Variants in PCDH9 observed in about 807,000 individuals in gnomAD.
PCDH9 encodes protocadherin 9.
Under a neutral mutation model 70.6 loss-of-function variants are expected in PCDH9, and 24 were observed. The ratio of observed to expected loss-of-function variants is 0.34; its 90% CI spans 0.25 to 0.48. The LOEUF (loss-of-function observed/expected upper bound fraction) is 0.48, where lower values mean the gene tolerates loss of function less well. Ranked by LOEUF, PCDH9 falls within the 20% of genes least tolerant of loss-of-function variation. The pLI is 0.99. For missense variants in PCDH9, 1,281 were observed against 1,503.6 expected (o/e 0.85, Z 2.45); for synonymous variants, 562 against 558.5 (o/e 1.01, Z -0.09).
intron 3 of PCDH9, among the ~76,000 whole-genome samples, chr13:66,639,640 A>T (rs1347242858): frequency 6.6e-6 from 1 of 152,026 alleles, no homozygotes; most frequent in Non-Finnish European, 1.5e-5. Flanking sequence ...AAAACAAAAA[A>T]CTCTCCTTCA....
At chr13:66,983,983 G>A (rs1339546912) in intron 2 of PCDH9, among the ~76,000 whole-genome samples, 1 of 151,864 alleles carries the variant, frequency 6.6e-6, no homozygotes, top group African/African-American at 2.4e-5. Context: ...TTCTCATCCT[G>A]AGCATTATAT....
At chr13:66,652,237 A>G (rs899751402) in intron 3 of PCDH9, among the ~76,000 whole-genome samples, 2 of 152,052 alleles carry the variant, frequency 1.3e-5, no homozygotes, top group Admixed American at 6.5e-5. Flanking sequence ...TAAAGAACCT[A>G]AAGACTCAAT....
intron 4 of PCDH9, among the ~76,000 whole-genome samples, chr13:66,630,252 T>C (rs542339614): frequency 6.6e-6 from 1 of 152,254 alleles, no homozygotes; most frequent in South Asian, 2.1e-4. Flanking sequence ...AAAATTGAGA[T>C]AAATGTACAG....
At chr13:66,550,958 A>T (rs1234572059) in intron 4 of PCDH9, among the ~76,000 whole-genome samples, 1 of 152,174 alleles carries the variant, frequency 6.6e-6, no homozygotes, top group African/African-American at 2.4e-5. Context: ...TAGCCCCTTG[A>T]CATTACTCTC....
rs1404652435 is a variant in PCDH9 at position 66,763,944 on chromosome 13, G to A, written c.3139-132533C>T. On this transcript the variant is annotated intron_variant, in intron 3 of 4. Coordinates refer to ENST00000377865, the MANE Select transcript of PCDH9 (RefSeq NM_203487.3). ...TTCCCAAGTAGCTGGGATTACAGGT[G>A]CCCACCACAACACTCGACTAATTGT... 2.6e-5 allele frequency among the ~76,000 whole-genome samples: 4 copies of A among 151,880 alleles called. No homozygotes were observed. The South Asian group carries it at 6.2e-4, about 24-fold the overall frequency.
intron 2 of PCDH9, among the ~76,000 whole-genome samples, chr13:67,128,320 C>T (rs2087028551): frequency 6.6e-6 from 1 of 152,194 alleles, no homozygotes; most frequent in Non-Finnish European, 1.5e-5. Context: ...TCAAAGATAA[C>T]ACAATGCAAG....
chr13:66,519,881 C>T (rs540888585), intron 4 of PCDH9, among the ~76,000 whole-genome samples: 103 of 151,216 alleles, frequency 6.8e-4, no homozygotes, highest in Non-Finnish European at 6.5e-4. Flanking sequence ...TGGTCGACGG[C>T]AGTCCTATTA....
chr13:66,689,906 T>G (rs1404449167), intron 3 of PCDH9, among the ~76,000 whole-genome samples: 1 of 152,208 alleles, frequency 6.6e-6, no homozygotes, highest in East Asian at 1.9e-4. Context: ...TTCTTTTTTA[T>G]TTTTTAAAGA....
At chr13:66,517,374 G>T (rs1255480057) in intron 4 of PCDH9, among the ~76,000 whole-genome samples, 1 of 152,102 alleles carries the variant, frequency 6.6e-6, no homozygotes, top group Non-Finnish European at 1.5e-5. Context: ...TCACCAGAAT[G>T]CTACACATTT....
chr13:66,964,696 A>T (rs569117899), intron 2 of PCDH9, among the ~76,000 whole-genome samples: 1 of 152,092 alleles, frequency 6.6e-6, no homozygotes, highest in South Asian at 2.1e-4. Context: ...CTTTCTTGGC[A>T]AAATGTCTGT....
rs575312909 is a variant in PCDH9, at chr13:66,319,476, A to G, written c.3341-14448T>C. Among the ~76,000 whole-genome samples, 3 of 151,122 alleles carry G rather than the reference A, an allele frequency of 2.0e-5. No individual in the cohort carries two copies. In the South Asian group the frequency reaches 6.2e-4, roughly 31 times the overall value. ...GCATGACTCCTCCCTGTGAGGTGCC[A>G]TGGCTTGAGCATCTTTCAGTGTGCT... On this transcript the variant is annotated intron_variant, in intron 4 of 4. Transcript: ENST00000377865.
At chr13:67,126,962 A>T (rs1260882445) in intron 2 of PCDH9, among the ~76,000 whole-genome samples, 2 of 152,186 alleles carry the variant, frequency 1.3e-5, no homozygotes, top group Non-Finnish European at 2.9e-5. Flanking sequence ...TTAGCCTATA[A>T]TATTTCATTT....
intron 3 of PCDH9, among the ~76,000 whole-genome samples, chr13:66,890,091 G>T (rs1056663322): frequency 1.3e-5 from 2 of 152,034 alleles, no homozygotes; most frequent in African/African-American, 4.8e-5. Context: ...CGGGTATCTG[G>T]CAATATATTA....
intron 4 of PCDH9, among the ~76,000 whole-genome samples, chr13:66,363,898 T>A (rs1956511597): frequency 6.6e-6 from 1 of 152,166 alleles, no homozygotes; most frequent in South Asian, 2.1e-4. Context: ...ATCGTGCCTG[T>A]AATCCCAACA....
intron 3 of PCDH9, among the ~76,000 whole-genome samples, chr13:66,864,914 T>G (rs1413155188): frequency 6.6e-6 from 1 of 152,202 alleles, no homozygotes; most frequent in African/African-American, 2.4e-5. Flanking sequence ...CAGCACATGT[T>G]CTCAATCACT....
chr13:67,148,127 C>T (rs1000056996), intron 2 of PCDH9, among the ~76,000 whole-genome samples: 2 of 151,870 alleles, frequency 1.3e-5, no homozygotes, highest in Non-Finnish European at 2.9e-5. Context: ...TACTTTAAGT[C>T]CTCAGAATTC....
At chr13:66,746,685 C>T (rs1211040990) in intron 3 of PCDH9, among the ~76,000 whole-genome samples, 5 of 152,102 alleles carry the variant, frequency 3.3e-5, no homozygotes, top group Non-Finnish European at 7.4e-5. Context: ...AACGTGTCAT[C>T]TATTACACTT....
At chr13:66,743,554 G>A (rs182235880) in intron 3 of PCDH9, among the ~76,000 whole-genome samples, 18 of 152,134 alleles carry the variant, frequency 1.2e-4, no homozygotes, top group Non-Finnish European at 2.4e-4. Flanking sequence ...TTAGACAGGA[G>A]GAATAAGGCC....
intron 3 of PCDH9, among the ~76,000 whole-genome samples, chr13:66,722,406 G>C (rs1025331157): frequency 6.6e-6 from 1 of 152,114 alleles, no homozygotes; most frequent in Non-Finnish European, 1.5e-5. Context: ...CAAAGAGATT[G>C]AGCTTGTTGT....
Sources: gnomAD v4.1 joint callset for allele counts (sites outside exome capture counted in the v4.1 genomes callset) on GRCh38, gnomAD v4.1.1 for gene constraint, MANE v1.5 for transcripts, NCBI Gene and HGNC (gene_info 2026-07-23, HGNC 2026-07-21) for gene names.